Variants in PDZD9 observed in about 807,000 individuals in gnomAD.
PDZD9 encodes the protein PDZ domain-containing protein 9.
Under a neutral mutation model 16.3 loss-of-function variants are expected in PDZD9, and 13 were observed. The ratio of observed to expected loss-of-function variants is 0.80; its 90% confidence interval spans 0.52 to 1.27. PDZD9 has a LOEUF of 1.27. PDZD9 is among the 50% of genes most tolerant of loss of function. The probability of loss-of-function intolerance (pLI) is 0.00; values close to 1 mark genes in which losing one functional copy is unlikely to be tolerated. For synonymous variants in PDZD9, 120 were observed against 111.0 expected, an observed-to-expected ratio of 1.08 and a Z score of -0.51; for missense variants, 288 against 310.9, an observed-to-expected ratio of 0.93 and a Z score of 0.55.
At chr16:21,962,480 A>C in the PDZD9 span, 1 of 1,614,144 alleles carries the variant, frequency 6.2e-7, no homozygotes, top group Non-Finnish European at 8.5e-7. Flanking sequence ...ACAAGGGAAA[A>C]CATGGCTTAT....
intron 1 of PDZD9, among the ~76,000 whole-genome samples, chr16:22,000,781 G>A (rs1488301469): frequency 2.0e-5 from 3 of 150,980 alleles, no homozygotes; most frequent in Non-Finnish European, 4.4e-5. Context: ...CTGAGATCGC[G>A]CCACTGCACT....
intron 1 of PDZD9, 23 bp from the exon 2 acceptor site, chr16:21,996,524 T>C (rs1472154099): frequency 1.3e-6 from 2 of 1,522,630 alleles, no homozygotes; most frequent in Non-Finnish European, 1.8e-6. Flanking sequence ...GGGGAACTTA[T>C]TTCAGTCCTT....
the PDZD9 span, among the ~76,000 whole-genome samples, chr16:21,963,462 TTTTGTTTG>T: frequency 7.9e-5 from 12 of 152,054 alleles, no homozygotes; most frequent in Non-Finnish European, 1.2e-4. Flanking sequence ...AATGTTTTGT[TTTTGTTTG>T]TTTGTTTGTT....
chr16:21,971,813 G>A, the PDZD9 span: 21 of 1,490,088 alleles, frequency 1.4e-5, no homozygotes, highest in Non-Finnish European at 1.8e-5. Context: ...AAAGCACCGA[G>A]CTGCAGAAAA....
chr16:21,983,607 GC>G (rs1339675785), downstream of PDZD9: 4 of 190,108 alleles, frequency 2.1e-5, no homozygotes, highest in East Asian at 2.5e-4. Flanking sequence ...CCCCTGTTTT[GC>G]CTTTTTTGCA....
downstream of PDZD9, chr16:21,980,311 G>C: frequency 2.2e-6 from 1 of 456,602 alleles, no homozygotes; most frequent in Non-Finnish European, 3.9e-6. Context: ...GGCCAAAGTG[G>C]GCCCTCAATT....
chr16:21,979,929 G>A (rs980671697), downstream of PDZD9, among the ~76,000 whole-genome samples: 1 of 152,150 alleles, frequency 6.6e-6, no homozygotes, highest in African/African-American at 2.4e-5. Context: ...CTAGGCTAGT[G>A]ATATGCAGTA....
chr16:21,980,382 C>A, downstream of PDZD9: 1 of 729,076 alleles, frequency 1.4e-6, no homozygotes, highest in Non-Finnish European at 2.2e-6. Context: ...TAGTATGTTC[C>A]AGAGAAGGGA....
chr16:21,976,286 A>C, the PDZD9 span: 1 of 1,477,602 alleles, frequency 6.8e-7, no homozygotes, highest in Non-Finnish European at 9.5e-7. Flanking sequence ...TTGTTATTTG[A>C]AAGTTGTATT....
In PDZD9 at chr16:21,996,335, C is replaced by T. The variant is rs936139691; in HGVS notation, c.198G>A (p.Gly66=). ...AAGGGCAATCACCTGGCTGGAGTTT[C>T]CCGTCGTTGGCTGCAGCCCCCTTCC... The part of the protein sequence containing the change: ...LIRKGAAAND[G]KLQPGDVLIS... Residue 66 remains glycine, a synonymous_variant, in exon 2 of 4, where the codon GGG becomes GGA. Coordinates refer to ENST00000424898, the MANE Select transcript of PDZD9 (RefSeq NM_001363519.1). 1.6e-5 allele frequency: 25 copies of T among 1,535,314 alleles called. No homozygotes were observed. The African/African-American group carries it at 2.9e-4, about 18-fold the overall frequency.
chr16:21,979,488 C>T (rs951217332), downstream of PDZD9, among the ~76,000 whole-genome samples: 2 of 152,058 alleles, frequency 1.3e-5, no homozygotes, highest in African/African-American at 4.8e-5. Context: ...TAGTCTATTG[C>T]TCTTAGGCTA....
At chr16:21,958,649 A>G in the PDZD9 span, 4 of 1,517,740 alleles carry the variant, frequency 2.6e-6, no homozygotes, top group East Asian at 2.3e-5. Flanking sequence ...AAAATATTCA[A>G]TTTTAAGGGA....
At chr16:21,963,735 C>T in the PDZD9 span, among the ~76,000 whole-genome samples, 4 of 152,154 alleles carry the variant, frequency 2.6e-5, no homozygotes, top group African/African-American at 7.2e-5. Flanking sequence ...TCCCAAAGTG[C>T]TGGGATTACA....
At chr16:21,961,644 A>ATATATG in the PDZD9 span, among the ~76,000 whole-genome samples, 2 of 93,800 alleles carry the variant, frequency 2.1e-5, 1 homozygote, top group South Asian at 5.8e-4. Context: ...ATATATATAT[A>ATATATG]TATATATATA....
At chr16:21,958,493 G>T in the PDZD9 span, 11 of 1,580,688 alleles carry the variant, frequency 7.0e-6, no homozygotes, top group Non-Finnish European at 9.5e-6. Flanking sequence ...GGCAAACTTG[G>T]CATTGAAAAG....
chr16:21,972,236 C>A, the PDZD9 span: 12 of 1,340,726 alleles, frequency 9.0e-6, no homozygotes, highest in Non-Finnish European at 1.0e-5. Flanking sequence ...AATCTTTGTA[C>A]AATTGAAGAG....
the PDZD9 span, chr16:21,962,660 A>G: frequency 6.3e-7 from 1 of 1,595,402 alleles, no homozygotes; most frequent in Non-Finnish European, 8.6e-7. Flanking sequence ...TGCTTACCAC[A>G]AGACCTAAAG....
chr16:21,981,637 C>T (rs1898731547), downstream of PDZD9, among the ~76,000 whole-genome samples: 1 of 151,744 alleles, frequency 6.6e-6, no homozygotes, highest in Non-Finnish European at 1.5e-5. Context: ...CGCCTGTAGT[C>T]CCAGCTACTC....
the PDZD9 span, chr16:21,976,385 A>G: frequency 1.5e-6 from 1 of 688,980 alleles, no homozygotes; most frequent in Non-Finnish European, 2.4e-6. Flanking sequence ...CCCATATCCT[A>G]CCACCTAAAG....
Sources: allele counts gnomAD v4.1 joint callset (sites outside exome capture counted in the v4.1 genomes callset), GRCh38; gene constraint gnomAD v4.1.1; transcripts MANE v1.5; gene names NCBI Gene and HGNC (gene_info 2026-07-23, HGNC 2026-07-21).